Variants in MMP2 observed in about 807,000 individuals in gnomAD.
MMP2 encodes the protein matrix metallopeptidase 2.
Under a neutral mutation model 74.8 loss-of-function variants are expected in MMP2, and 39 were observed. The ratio of observed to expected loss-of-function variants is 0.52; its 90% CI spans 0.40 to 0.68. The LOEUF is 0.68. MMP2 is among the 30% of genes least tolerant of loss of function. The probability of loss-of-function intolerance (pLI) is 0.00; values close to 1 mark genes in which losing one functional copy is unlikely to be tolerated. For missense variants in MMP2, 803 were observed against 878.3 expected, an observed-to-expected ratio of 0.91 and a Z score of 1.08; for synonymous variants, 367 against 339.8, an observed-to-expected ratio of 1.08 and a Z score of -0.88.
intron 11 of MMP2, among the ~76,000 whole-genome samples, chr16:55,501,551 G>A (rs1292918067): frequency 6.6e-6 from 1 of 152,218 alleles, no homozygotes; most frequent in East Asian, 1.9e-4. Flanking sequence ...AGGGAACTTG[G>A]TTTTGGTGAC....
rs2142340115 is a variant in MMP2 at position 55,480,142 on chromosome 16, T to G, written c.153+510T>G. 2 of 155,758 alleles carry G rather than the reference T, an allele frequency of 1.3e-5. 1 individual carries two copies. The highest frequency in any genetic ancestry group is 6.7e-3 in the Middle Eastern group (2 of 298). The allele number at this position is 155,758 out of a possible 1,614,324, so 9.6% of individuals were successfully genotyped here. Reference sequence around the variant, plus strand: ...GCTCTGGCACACAATTTGGGTAAACTTATGCGCGCATAAGGATGGGAGGGA... The same window carrying G: ...GCTCTGGCACACAATTTGGGTAAACGTATGCGCGCATAAGGATGGGAGGGA... On this transcript the variant is annotated intron_variant, in intron 1 of 12. Transcript: ENST00000219070.
chr16:55,496,358 G>C (rs1273658173), intron 9 of MMP2, among the ~76,000 whole-genome samples: 1 of 152,092 alleles, frequency 6.6e-6, no homozygotes. Context: ...AGGATGGTGG[G>C]GAAATAGATA....
intron 11 of MMP2, among the ~76,000 whole-genome samples, chr16:55,498,760 A>G (rs771162656): frequency 6.6e-6 from 1 of 152,252 alleles, no homozygotes; most frequent in Non-Finnish European, 1.5e-5. Context: ...ATAAAAATAA[A>G]GATAATAACT....
rs786205497 is a variant in MMP2 at position 55,485,307 on chromosome 16, G to A, written c.538G>A (p.Asp180Asn). 2.5e-6 allele frequency: 4 copies of A among 1,614,022 alleles called. No homozygotes were observed. Among genetic ancestry groups the A allele is most frequent in the African/African-American group, 1.3e-5 (1 of 74,896 alleles). The stretch of plus-strand genomic sequence containing the variant: ...CCCAGTGTGTGTTTCAGAGCATGGC[G>A]ATGGATACCCCTTTGACGGTAAGGA... ...MINFGRWEHGDGYPFDGKDGL... is the reference protein window; with the variant it reads ...MINFGRWEHGNGYPFDGKDGL... The change falls in exon 4 of 13, where the codon GAT (aspartate) becomes AAT (asparagine). Residue 180 changes from aspartate to asparagine, a missense_variant. By Grantham distance (23) the Asp-to-Asn change is conservative. This residue lies in a region of MMP2 where 25 missense variants were observed against 53.5 expected (regional missense o/e 0.47). Transcript: ENST00000219070.
At chr16:55,488,798 C>T in intron 6 of MMP2, 82 bp downstream of exon 6, 3 of 1,426,378 alleles carry the variant, frequency 2.1e-6, no homozygotes, top group Non-Finnish European at 2.9e-6. Context: ...TCCGAGTGCC[C>T]ACCTCCTTTC....
chr16:55,503,033 G>A, intron 12 of MMP2, 145 bp downstream of exon 12: 3 of 717,162 alleles, frequency 4.2e-6, no homozygotes, highest in Non-Finnish European at 4.9e-6. Context: ...TCATCCTAGT[G>A]CTGGGAAGGT....
intron 12 of MMP2, among the ~76,000 whole-genome samples, chr16:55,503,439 C>G (rs1461143267): frequency 1.3e-5 from 2 of 151,872 alleles, no homozygotes; most frequent in Admixed American, 6.6e-5. Context: ...TGTGAGCTTT[C>G]TAGGGTCCTG....
chr16:55,485,191 G>C lies in MMP2; in HGVS notation c.530-108G>C, dbSNP rs1172295269. On this transcript the variant is annotated intron_variant, in intron 3 of 12. Coordinates refer to ENST00000219070, the MANE Select transcript of MMP2 (RefSeq NM_004530.6). ...GGATAACCCCACTGGGACAAGGGAA[G>C]GGGACAGATGCTGGGTGGGCTGACA... The C allele has an allele frequency of 1.2e-5, 18 of 1,509,212 alleles. 1 individual carries two copies. In the Admixed American group the frequency reaches 2.0e-4, roughly 17 times the overall value. 93.5% of individuals were successfully genotyped at this position (1,509,212 alleles called of 1,614,324 possible).
In MMP2 at chr16:55,502,820, A is replaced by G. The variant is rs1466744909; in HGVS notation, c.1811A>G (p.Lys604Arg). The change falls in exon 12 of 13, where the codon AAG becomes AGG. Residue 604 changes from lysine (K) to arginine (R), a missense_variant. Lys to Arg is a conservative substitution (Grantham distance 26). Around this residue, in one of 3 missense-constraint regions of MMP2, gnomAD observed 555 missense variants for 592.0 expected, o/e 0.94. Coordinates refer to ENST00000219070, the MANE Select transcript of MMP2 (RefSeq NM_004530.6). ...AAGAAAATGGATCCTGGCTTCCCCA[A>G]GCTCATCGCAGATGCCTGGAATGCC... ...VKKKMDPGFPKLIADAWNAIP... is the reference protein window; with the variant it reads ...VKKKMDPGFPRLIADAWNAIP... 2 of 1,613,994 alleles carry G rather than the reference A, an allele frequency of 1.2e-6. No individual in the cohort carries two copies. Among genetic ancestry groups the G allele is most frequent in the Middle Eastern group, 1.6e-4 (1 of 6,068 alleles).
chr16:55,492,868 T>C (rs572950953), intron 8 of MMP2, among the ~76,000 whole-genome samples: 1 of 152,258 alleles, frequency 6.6e-6, no homozygotes, highest in Admixed American at 6.5e-5. Context: ...ACTCAACTTT[T>C]CTGGGCCTCA....
intron 6 of MMP2, among the ~76,000 whole-genome samples, 173 bp from the exon 7 acceptor site, chr16:55,489,478 G>A (rs1317618241): frequency 6.6e-6 from 1 of 152,186 alleles, no homozygotes; most frequent in Non-Finnish European, 1.5e-5. Context: ...GTGCTATTCA[G>A]TCCCTCCTGC....
chr16:55,483,252 A>G, intron 2 of MMP2, 117 bp downstream of exon 2: 3 of 736,404 alleles, frequency 4.1e-6, no homozygotes, highest in Middle Eastern at 3.4e-4. Context: ...AAGGCTTGAC[A>G]TCTTAGGGAG....
Position 55,484,154 on chromosome 16 carries a change from T to C in MMP2, c.519T>C (p.Phe173=). The C allele has an allele frequency of 6.2e-7, 1 of 1,614,032 alleles. No homozygotes were observed. Among genetic ancestry groups the C allele is most frequent in the South Asian group, 1.1e-5 (1 of 91,080 alleles). The change falls in exon 3 of 13, where the codon TTT becomes TTC. Residue 173 remains phenylalanine, a synonymous_variant. Coordinates refer to ENST00000219070, the MANE Select transcript of MMP2 (RefSeq NM_004530.6). ...HDGEADIMIN[F]GRWEHGDGYP... Reference sequence around the variant, plus strand: ...GAGAGGCAGACATCATGATCAACTTTGGCCGCTGGGGTAGGCAGAAGATGG... The same window carrying C: ...GAGAGGCAGACATCATGATCAACTTCGGCCGCTGGGGTAGGCAGAAGATGG...
intron 9 of MMP2, 38 bp from the exon 10 acceptor site, chr16:55,496,888 G>T (rs111679205): frequency 1.9e-6 from 3 of 1,612,072 alleles, no homozygotes; most frequent in Non-Finnish European, 2.5e-6. Flanking sequence ...CAGGGTGACT[G>T]AAGATGTGGT....
chr16:55,498,064 G>A (rs891191193), intron 10 of MMP2, among the ~76,000 whole-genome samples: 1 of 152,176 alleles, frequency 6.6e-6, no homozygotes, highest in African/African-American at 2.4e-5. Context: ...AGTGTGAGCT[G>A]GATTTATCCC....
At chr16:55,504,649 G>T (rs1407109230) in intron 12 of MMP2, among the ~76,000 whole-genome samples, 2 of 128,110 alleles carry the variant, frequency 1.6e-5, no homozygotes, top group Non-Finnish European at 3.2e-5. Context: ...TGAAACAATT[G>T]AATTTTTTTT....
chr16:55,498,014 A>G (rs1962572484), intron 10 of MMP2, among the ~76,000 whole-genome samples: 1 of 152,176 alleles, frequency 6.6e-6, no homozygotes, highest in African/African-American at 2.4e-5. Context: ...GTGCCTCTTT[A>G]TGACAGCAAG....
rs1238736303 is a variant in MMP2 at position 55,493,160 on chromosome 16, G to T, written c.1339G>T (p.Ala447Ser). The T allele has an allele frequency of 1.3e-5, 21 of 1,613,496 alleles. No individual in the cohort carries two copies. The highest frequency in any genetic ancestry group is 1.8e-5 in the Non-Finnish European group (21 of 1,180,002). The change falls in exon 9 of 13, where the codon GCC becomes TCC. Residue 447 changes from alanine (A) to serine (S), a missense_variant and splice_region_variant. Ala to Ser is a moderately conservative substitution (Grantham distance 99). Coordinates refer to ENST00000219070, the MANE Select transcript of MMP2 (RefSeq NM_004530.6). ...DIKGIQELYG[A>S]SPDIDLGTGP... Reference sequence around the variant, plus strand: ...CTAAGGTCAGGTGTTCTCCCCAGGGGCCTCTCCTGACATTGACCTTGGCAC... The same window carrying T: ...CTAAGGTCAGGTGTTCTCCCCAGGGTCCTCTCCTGACATTGACCTTGGCAC...
chr16:55,486,347 C>CTCTGTG (rs1962254803), intron 5 of MMP2, among the ~76,000 whole-genome samples: 1 of 137,728 alleles, frequency 7.3e-6, no homozygotes, highest in African/African-American at 2.8e-5. Context: ...GTGTGTGTGC[C>CTCTGTG]TGTGTGTGTG....
Sources: gnomAD v4.1 joint callset for allele counts (sites outside exome capture counted in the v4.1 genomes callset) on GRCh38, gnomAD v4.1.1 for gene constraint, gnomAD v4.1.1 regional missense constraint, MANE v1.5 for transcripts, NCBI Gene and HGNC (gene_info 2026-07-23, HGNC 2026-07-21) for gene names.